The following INTS10 variants were observed in gnomAD, a reference collection of about 807,000 sequenced individuals.
INTS10 encodes chromosome 8 open reading frame 35.
A neutral mutation model predicts 94.4 loss-of-function variants in INTS10; 44 were observed. The ratio of observed to expected loss-of-function variants is 0.47; its 90% CI spans 0.37 to 0.60. The LOEUF is 0.60. INTS10 is among the 20% of genes least tolerant of loss of function. The pLI, the probability that INTS10 is intolerant of heterozygous loss-of-function variation, is 0.00. For synonymous variants in INTS10, 341 were observed against 320.7 expected, an observed-to-expected ratio of 1.06 and a Z score of -0.68; for missense variants, 797 against 868.7, an observed-to-expected ratio of 0.92 and a Z score of 1.04.
At chr8:19,847,086 A>T (rs536395847) in intron 16 of INTS10, among the ~76,000 whole-genome samples, 1 of 152,300 alleles carries the variant, frequency 6.6e-6, no homozygotes, top group Non-Finnish European at 1.5e-5. Flanking sequence ...GATTTCTGTA[A>T]CCTCAGTAGT....
intron 6 of INTS10, 22 bp from the exon 7 acceptor site, chr8:19,823,851 C>T (rs766482007): frequency 6.4e-7 from 1 of 1,558,492 alleles, no homozygotes; most frequent in Non-Finnish European, 8.6e-7. Context: ...TAATTGTAGG[C>T]TACTTTTTTC....
chr8:19,832,252 G>C, intron 11 of INTS10, 142 bp downstream of exon 11: 1 of 615,624 alleles, frequency 1.6e-6, no homozygotes, highest in Non-Finnish European at 3.0e-6. Context: ...TTCAGTGGCT[G>C]AGGGGGTATG....
At chr8:19,825,536 AG>A (rs2066727222) in intron 8 of INTS10, among the ~76,000 whole-genome samples, 2 of 151,642 alleles carry the variant, frequency 1.3e-5, no homozygotes, top group Non-Finnish European at 2.9e-5. Flanking sequence ...AAAAAAAAAA[AG>A]AAAAAAACAG....
chr8:19,819,898 A>G (rs1047391398), intron 3 of INTS10, among the ~76,000 whole-genome samples: 8 of 152,234 alleles, frequency 5.3e-5, no homozygotes, highest in African/African-American at 1.9e-4. Flanking sequence ...AATTAATTGT[A>G]TATATTTTTA....
chr8:19,841,771 GTCCTAGTTGTA>G, intron 13 of INTS10: 2 of 450,604 alleles, frequency 4.4e-6, no homozygotes, highest in Middle Eastern at 6.6e-4. Context: ...TGTACCTCGC[GTCCTAGTTGTA>G]TACCTTAGAT....
chr8:19,819,521 G>T, intron 2 of INTS10, 52 bp from the exon 3 acceptor site: 6 of 1,364,972 alleles, frequency 4.4e-6, no homozygotes, highest in Admixed American at 4.4e-5. Flanking sequence ...TTTTCTTTTG[G>T]ATACTGTATA....
rs747752014 is a variant in INTS10, at chr8:19,819,573, G to GTGAATTTAAAAA, written c.199_200insGAATTTAAAAAT (p.Met66_Phe67insTer). The GTGAATTTAAAAA allele has an allele frequency of 6.2e-7, 1 of 1,605,274 alleles. No individual in the cohort carries two copies. The highest frequency in any genetic ancestry group is 1.1e-5 in the South Asian group (1 of 90,234). ...TTTAATGTATTTATTTTAAAAATAG[G>GTGAATTTAAAAA]TTTGTGAATTTCCCAGACCAGCCGG... On this transcript the variant is annotated stop_gained and inframe_insertion and splice_region_variant, in exon 3 of 17. Coordinates refer to ENST00000397977, the MANE Select transcript of INTS10 (RefSeq NM_018142.4). LOFTEE classifies it high-confidence loss of function.
At position 19,849,944 on chromosome 8, in the gene INTS10, T is replaced by C. The variant is rs61171174; in HGVS notation, c.1977-1705T>C. ...ATCTGCAGGATGTAGCATTTAGTTA[T>C]ATTTTTAGTGGTATTAAAAGCAGGG... is the stretch of plus-strand genomic sequence containing the variant. On this transcript the variant is annotated intron_variant, in intron 16 of 16. Coordinates refer to ENST00000397977, the MANE Select transcript of INTS10 (RefSeq NM_018142.4). This position sits in a 1 kb window ranked among gnomAD's most constrained non-coding sequence, Gnocchi z 4.6. 4.7e-3 allele frequency among the ~76,000 whole-genome samples: 709 copies of C among 152,152 alleles called. 4 individuals carry two copies. Among genetic ancestry groups the C allele is most frequent in the African/African-American group, 0.016 (654 of 41,500 alleles).
At chr8:19,840,240 C>T (rs1338272179) in intron 13 of INTS10, among the ~76,000 whole-genome samples, 1 of 151,616 alleles carries the variant, frequency 6.6e-6, no homozygotes, top group Non-Finnish European at 1.5e-5. Context: ...TATGCAAAAC[C>T]TCCACTTTGA....
intron 16 of INTS10, chr8:19,848,799 A>G (rs530891553): frequency 1.6e-4 from 25 of 160,868 alleles, no homozygotes; most frequent in Non-Finnish European, 1.2e-4. Context: ...TGGAAAGTAA[A>G]GAGGCTGGCT....
rs984497704 is a variant in INTS10 at position 19,851,735 on chromosome 8, A to G, written c.2063A>G (p.Glu688Gly). 6 of 1,613,982 alleles carry G rather than the reference A, an allele frequency of 3.7e-6. No individual in the cohort carries two copies. Among genetic ancestry groups the G allele is most frequent in the Middle Eastern group, 3.3e-4 (2 of 6,084 alleles). ...GAGCGCCAGGTCTCCCGCTGTGGAG[A>G]GAATCTGATGGTGGTTCTGCACAGG... ...AMERQVSRCG[E>G]NLMVVLHRFC... The change falls in exon 17 of 17, where the codon GAG becomes GGG. Residue 688 changes from glutamate to glycine, a missense_variant. This residue lies in a region of INTS10 where 47 missense variants were observed against 41.8 expected (regional missense o/e 1.12). Coordinates refer to ENST00000397977, the MANE Select transcript of INTS10 (RefSeq NM_018142.4). The surrounding 1 kb of genome is among the most constrained non-coding windows in gnomAD (Gnocchi z 5.0).
rs1328083231 is a variant in INTS10 at position 19,833,222 on chromosome 8, A to T, written c.1431A>T (p.Gly477=). The change falls in exon 12 of 17, where the codon GGA becomes GGT. Residue 477 remains glycine (G), a synonymous_variant. Coordinates refer to ENST00000397977, the MANE Select transcript of INTS10 (RefSeq NM_018142.4). ...TGCATCACTTAGCAGCTCTCCAGGG[A>T]TCCATTTCTCAGCCACAGATCACAG... The part of the protein sequence containing the change: ...ASLHHLAALQ[G]SISQPQITGQ... 3 of 1,612,716 alleles carry T rather than the reference A, an allele frequency of 1.9e-6. No individual in the cohort carries two copies. In the African/African-American group the frequency reaches 4.0e-5, roughly 22 times the overall value.
intron 5 of INTS10, among the ~76,000 whole-genome samples, chr8:19,823,030 T>TA (rs1169779263): frequency 1.3e-5 from 2 of 152,166 alleles, no homozygotes; most frequent in Non-Finnish European, 2.9e-5. Flanking sequence ...TGCATAGCTG[T>TA]ATATGTAAGT....
intron 10 of INTS10, among the ~76,000 whole-genome samples, chr8:19,830,857 A>G (rs113982740): frequency 0.063 from 9,558 of 152,192 alleles, 332 homozygotes; most frequent in Non-Finnish European, 0.072. Context: ...TATTTTTAGT[A>G]GAGACGGGGT....
At position 19,825,931 on chromosome 8, in the gene INTS10, T is replaced by C. The variant is rs1310181891; in HGVS notation, c.1007-495T>C. ...GGAATCTTTAACAATTTGGTATATATCTGTACAGTCTTTTCTTTCTATGTG... is the reference window on the plus strand; with the variant it reads ...GGAATCTTTAACAATTTGGTATATACCTGTACAGTCTTTTCTTTCTATGTG... On this transcript the variant is annotated intron_variant, in intron 8 of 16. Transcript: ENST00000397977. 3.3e-5 allele frequency among the ~76,000 whole-genome samples: 5 copies of C among 152,276 alleles called. No homozygotes were observed. The East Asian group carries it at 9.6e-4, about 29-fold the overall frequency.
At chr8:19,822,373 T>G in intron 4 of INTS10, 66 bp from the exon 5 acceptor site, 1 of 871,516 alleles carries the variant, frequency 1.1e-6, no homozygotes. Flanking sequence ...AATACCCCAT[T>G]ACTTCATATA....
rs1000867102 is a variant in INTS10, at chr8:19,845,629, G to C, written c.1883-75G>C. ...ATGGCAATGGGCAAGTTACTCAACT[G>C]CCGAGACCCCATTTCCTCATCAGAG... is the stretch of plus-strand genomic sequence containing the variant. On this transcript the variant is annotated intron_variant, in intron 15 of 16. Coordinates refer to ENST00000397977, the MANE Select transcript of INTS10 (RefSeq NM_018142.4). The C allele has an allele frequency of 2.9e-6, 3 of 1,019,868 alleles. No individual in the cohort carries two copies. In the African/African-American group the frequency reaches 4.7e-5, roughly 16 times the overall value. 63.2% of individuals were successfully genotyped at this position (1,019,868 alleles called of 1,614,324 possible).
chr8:19,817,459 GGTGGCT>G lies in INTS10; in HGVS notation c.-77_-72del. 2.0e-6 allele frequency: 3 copies of G among 1,534,642 alleles called. No individual in the cohort carries two copies. The highest frequency in any genetic ancestry group is 2.6e-6 in the Non-Finnish European group (3 of 1,144,282). ...CCCCCGCGGTGGCGGCGGCGGCGGC[GGTGGCT>G]GCCGTGGCGGCTGAGAGTCCAGAGC... On this transcript the variant is annotated 5_prime_UTR_variant, in exon 1 of 17. Coordinates refer to ENST00000397977, the MANE Select transcript of INTS10 (RefSeq NM_018142.4).
At position 19,843,099 on chromosome 8, in the gene INTS10, A is replaced by C. The variant is rs1046689220; in HGVS notation, c.1719+172A>C. ...ATTAACAAATCTATATTAAATAATG[A>C]CTGCGCTAGGCAAAGAGAAGTAGGA... On this transcript the variant is annotated intron_variant, in intron 14 of 16. Coordinates refer to ENST00000397977, the MANE Select transcript of INTS10 (RefSeq NM_018142.4). The surrounding 1 kb of genome is among the most constrained non-coding windows in gnomAD (Gnocchi z 4.7). Among the ~76,000 whole-genome samples, 8 of 152,250 alleles carry C rather than the reference A, an allele frequency of 5.3e-5. No individual in the cohort carries two copies. Among genetic ancestry groups the C allele is most frequent in the African/African-American group, 1.9e-4 (8 of 41,462 alleles).
Sources: gnomAD v4.1 joint callset for allele counts (sites outside exome capture counted in the v4.1 genomes callset) on GRCh38, gnomAD v4.1.1 for gene constraint, gnomAD v4.1.1 regional missense constraint, Gnocchi (gnomAD v3.1) non-coding constraint, MANE v1.5 for transcripts, NCBI Gene and HGNC (gene_info 2026-07-23, HGNC 2026-07-21) for gene names.